Variants in DOCK3 observed in about 807,000 individuals in gnomAD.
The protein encoded by DOCK3 is dedicator of cytokinesis 3.
Under a neutral mutation model 265.6 loss-of-function variants are expected in DOCK3, and 60 were observed. The observed-to-expected ratio is 0.23, with a 90% CI of 0.18 to 0.28. The LOEUF (loss-of-function observed/expected upper bound fraction) is 0.28, where lower values mean the gene tolerates loss of function less well. DOCK3 is among the 10% of genes least tolerant of loss of function. The pLI is 1.00. For synonymous variants in DOCK3, 881 were observed against 938.0 expected, an observed-to-expected ratio of 0.94 and a Z score of 1.11; for missense variants, 1,981 against 2,594.3, an observed-to-expected ratio of 0.76 and a Z score of 5.14.
At chr3:50,710,131 A>G (rs1433169826) in intron 1 of DOCK3, among the ~76,000 whole-genome samples, 1 of 152,234 alleles carries the variant, frequency 6.6e-6, no homozygotes, top group East Asian at 1.9e-4. Flanking sequence ...CCAAGAGCCC[A>G]AAAGCAAATG....
chr3:51,062,958 T>G (rs4507294), intron 5 of DOCK3, among the ~76,000 whole-genome samples: 137,257 of 152,258 alleles, frequency 0.9, 62,065 homozygotes, highest in African/African-American at 0.95. Flanking sequence ...CTCACCTTTT[T>G]CCAGCATTGT....
chr3:50,792,835 TTTCATTGAGGATTTTTGCACTGATG>T (rs939131987), intron 2 of DOCK3, among the ~76,000 whole-genome samples: 1 of 152,234 alleles, frequency 6.6e-6, no homozygotes, highest in African/African-American at 2.4e-5. Context: ...TTTGCGAATA[TTTCATTGAGGATTTTTGCACTGATG>T]TTCATTGAGG....
chr3:50,733,473 A>G (rs1023856685), intron 1 of DOCK3, among the ~76,000 whole-genome samples: 3 of 152,184 alleles, frequency 2.0e-5, no homozygotes, highest in Admixed American at 2.0e-4. Context: ...TCATTATATA[A>G]TGCCCATATT....
chr3:50,789,097 T>G (rs2042336353), intron 2 of DOCK3, among the ~76,000 whole-genome samples: 1 of 152,190 alleles, frequency 6.6e-6, no homozygotes, highest in Non-Finnish European at 1.5e-5. Flanking sequence ...TTTTTCTCTT[T>G]TAGACTTTTT....
chr3:51,202,134 C>A (rs2088823593), intron 12 of DOCK3, among the ~76,000 whole-genome samples: 1 of 127,898 alleles, frequency 7.8e-6, no homozygotes, highest in Admixed American at 8.3e-5. Flanking sequence ...AGAGCAAACA[C>A]ATTCAAAAGC....
At chr3:51,352,053 C>G (rs1232951984) in intron 40 of DOCK3, among the ~76,000 whole-genome samples, 1 of 152,080 alleles carries the variant, frequency 6.6e-6, no homozygotes, top group African/African-American at 2.4e-5. Flanking sequence ...ATTTGCTAGC[C>G]CCATCAGCAT....
chr3:51,357,242 C>T (rs1040958622), intron 44 of DOCK3, 101 bp downstream of exon 44: 2 of 1,298,378 alleles, frequency 1.5e-6, no homozygotes, highest in Non-Finnish European at 2.1e-6. Flanking sequence ...GGTAGCCTTC[C>T]CTACATGCCC....
At chr3:50,849,327 G>T (rs916088343) in intron 3 of DOCK3, among the ~76,000 whole-genome samples, 4 of 151,846 alleles carry the variant, frequency 2.6e-5, no homozygotes, top group African/African-American at 7.3e-5. Context: ...GCGCCACCAT[G>T]CCTGGCAAAA....
chr3:51,381,597 C>G lies in DOCK3; in HGVS notation c.*38C>G, dbSNP rs1553618876. On this transcript the variant is annotated 3_prime_UTR_variant, in exon 53 of 53. Coordinates refer to ENST00000266037, the MANE Select transcript of DOCK3 (RefSeq NM_004947.5). The surrounding 1 kb of genome is among the most constrained non-coding windows in gnomAD (Gnocchi z 5.6). ...CGGCTGGGATGCCGCCCTCAGTAAG[C>G]AGCTTGCCAATCACTCCAGGTCTGA... The G allele has an allele frequency of 2.1e-6, 3 of 1,460,594 alleles. No individual in the cohort carries two copies. The highest frequency in any genetic ancestry group is 2.7e-6 in the Non-Finnish European group (3 of 1,111,118). 90.5% of individuals were successfully genotyped at this position (1,460,594 alleles called of 1,614,324 possible). A position where few individuals can be genotyped will look rare whatever the true frequency, so the allele number is the denominator to read the frequency against.
chr3:51,012,082 TGAG>T (rs1030791577), intron 5 of DOCK3, among the ~76,000 whole-genome samples: 1 of 152,142 alleles, frequency 6.6e-6, no homozygotes, highest in African/African-American at 2.4e-5. Context: ...GGGACCCACT[TGAG>T]GAGGCAGTCT....
At chr3:51,131,004 G>A (rs1453463396) in intron 9 of DOCK3, among the ~76,000 whole-genome samples, 3 of 152,094 alleles carry the variant, frequency 2.0e-5, no homozygotes, top group South Asian at 2.1e-4. Context: ...CACTGCACCC[G>A]GGCACAATAG....
rs1187420892 is a variant in DOCK3 at position 51,246,818 on chromosome 3, A to C, written c.2184+11A>C. On this transcript the variant is annotated intron_variant, in intron 22 of 52. Transcript: ENST00000266037. The stretch of plus-strand genomic sequence containing the variant: ...CAAGAAGCTATGCGGGTAATGTACT[A>C]ACCTCTCCATACATAAGAGACCCAC... 1 of 1,610,858 alleles carries C rather than the reference A, an allele frequency of 6.2e-7. No individual in the cohort carries two copies. Among genetic ancestry groups the C allele is most frequent in the Admixed American group, 1.7e-5 (1 of 59,600 alleles).
intron 2 of DOCK3, among the ~76,000 whole-genome samples, chr3:50,786,064 CCAT>C: frequency 6.6e-6 from 1 of 151,548 alleles, no homozygotes; most frequent in Non-Finnish European, 1.5e-5. Context: ...AGAAATTTGT[CCAT>C]CTCTAGGTTT....
At chr3:50,797,194 G>A (rs1047294041) in intron 2 of DOCK3, among the ~76,000 whole-genome samples, 1 of 152,176 alleles carries the variant, frequency 6.6e-6, no homozygotes, top group Admixed American at 6.5e-5. Flanking sequence ...CGGTATGGCT[G>A]GGGGGAGGTT....
intron 32 of DOCK3, among the ~76,000 whole-genome samples, chr3:51,316,592 A>G (rs528145828): frequency 9.0e-4 from 137 of 152,366 alleles, no homozygotes; most frequent in African/African-American, 3.2e-3. Context: ...AGCAGTATAT[A>G]ATCGATTGCT....
chr3:51,269,950 C>T lies in DOCK3; in HGVS notation c.2356-865C>T, dbSNP rs115791853. ...TGCCAAAGTTTGTGTGTCAGGTAAG[C>T]GGTAAAGCTTGGATTTGAACTCGTG... On this transcript the variant is annotated intron_variant, in intron 23 of 52. Coordinates refer to ENST00000266037, the MANE Select transcript of DOCK3 (RefSeq NM_004947.5). Among the ~76,000 whole-genome samples the T allele has an allele frequency of 7.2e-4, 110 of 152,212 alleles. 1 individual carries two copies. Among genetic ancestry groups the T allele is most frequent in the Middle Eastern group, 6.8e-3 (2 of 294 alleles).
intron 2 of DOCK3, among the ~76,000 whole-genome samples, chr3:50,790,884 T>G (rs1400314937): frequency 1.3e-5 from 2 of 152,224 alleles, no homozygotes; most frequent in Non-Finnish European, 2.9e-5. Flanking sequence ...ATACTTTTTT[T>G]CATATGCTTC....
intron 4 of DOCK3, among the ~76,000 whole-genome samples, chr3:50,927,832 G>C (rs191553859): frequency 1.3e-5 from 2 of 152,176 alleles, no homozygotes; most frequent in East Asian, 3.9e-4. Context: ...AGGGGAAGGG[G>C]ATTATGAGGC....
rs200754030 is a variant in DOCK3 at position 51,333,043 on chromosome 3, G to A, written c.3515+16G>A. The stretch of plus-strand genomic sequence containing the variant: ...CCTACCCCAGGTAAGACTGCAGTGT[G>A]GTAAGTCTGCTGTCTCCAGATCCAT... On this transcript the variant is annotated intron_variant, in intron 34 of 52. Coordinates refer to ENST00000266037, the MANE Select transcript of DOCK3 (RefSeq NM_004947.5). 2.1e-5 allele frequency: 34 copies of A among 1,613,952 alleles called. No homozygotes were observed. In the East Asian group the frequency reaches 4.7e-4, roughly 22 times the overall value.
Sources: allele counts gnomAD v4.1 joint callset (sites outside exome capture counted in the v4.1 genomes callset), GRCh38; gene constraint gnomAD v4.1.1; non-coding constraint Gnocchi (gnomAD v3.1); transcripts MANE v1.5; gene names NCBI Gene and HGNC (gene_info 2026-07-23, HGNC 2026-07-21).